Variants in HMGA2 observed in about 807,000 individuals in gnomAD.
The protein encoded by HMGA2 is high mobility group AT-hook 2.
A neutral mutation model predicts 19.1 loss-of-function variants in HMGA2; 8 were observed. The ratio of observed to expected loss-of-function variants is 0.42; its 90% CI spans 0.25 to 0.76. HMGA2 has a LOEUF of 0.76. Ranked by LOEUF, HMGA2 falls within the 30% of genes least tolerant of loss-of-function variation. The probability of loss-of-function intolerance (pLI) is 0.28; values close to 1 mark genes in which losing one functional copy is unlikely to be tolerated. For missense variants in HMGA2, 109 were observed against 136.3 expected (o/e 0.80, Z 1.00); for synonymous variants, 60 against 48.8 (o/e 1.23, Z -0.96).
At chr12:65,873,763 A>G (rs539277856) in intron 3 of HMGA2, 2 of 152,320 alleles carry the variant, frequency 1.3e-5, no homozygotes, top group African/African-American at 4.8e-5. Context: ...GGAACTGAGG[A>G]TTTGTTTTCA....
chr12:65,923,318 A>G (rs1394932679), intron 3 of HMGA2, among the ~76,000 whole-genome samples: 1 of 152,236 alleles, frequency 6.6e-6, no homozygotes, highest in African/African-American at 2.4e-5. Flanking sequence ...AAAGGAGAGC[A>G]GCTCCATTTT....
chr12:65,867,533 C>T lies in HMGA2; in HGVS notation c.249+28964C>T, dbSNP rs1054119649. ...GAAAAGACATAAAGGAATGAGAAGACCAAAACCGTATCCTCATGATACTGA... is the reference window on the plus strand; with the variant it reads ...GAAAAGACATAAAGGAATGAGAAGATCAAAACCGTATCCTCATGATACTGA... On this transcript the variant is annotated intron_variant, in intron 3 of 4. Coordinates refer to ENST00000403681, the MANE Select transcript of HMGA2 (RefSeq NM_003483.6). The T allele has an allele frequency of 1.7e-4, 77 of 454,020 alleles. No individual in the cohort carries two copies. The Admixed American group carries it at 1.7e-3, about 10-fold the overall frequency. 28.1% of individuals were successfully genotyped at this position (454,020 alleles called of 1,614,324 possible).
chr12:65,833,777 A>C (rs979212745), intron 2 of HMGA2, among the ~76,000 whole-genome samples: 1 of 152,216 alleles, frequency 6.6e-6, no homozygotes. Flanking sequence ...ACCTGTGAAC[A>C]TGGGCAGGTT....
intron 3 of HMGA2, among the ~76,000 whole-genome samples, chr12:65,897,828 C>G (rs1565725569): frequency 6.6e-6 from 1 of 152,072 alleles, no homozygotes; most frequent in East Asian, 1.9e-4. Context: ...GGCATGGTGG[C>G]ACGCCCCTGT....
At chr12:65,961,745 GTGTGTGTGTGTGTA>G (rs1273932774) in intron 4 of HMGA2, among the ~76,000 whole-genome samples, 1 of 144,688 alleles carries the variant, frequency 6.9e-6, no homozygotes, top group African/African-American at 2.8e-5. Flanking sequence ...TAGAGTGTGT[GTGTGTGTGTGTGTA>G]TGTGTGTGTG....
intron 4 of HMGA2, chr12:65,958,216 G>A (rs943256775): frequency 2.6e-5 from 4 of 152,146 alleles, no homozygotes; most frequent in African/African-American, 7.2e-5. Flanking sequence ...TGATGCTAAC[G>A]CACACAAAGA....
intron 3 of HMGA2, chr12:65,881,667 G>C (rs552143168): frequency 2.9e-6 from 2 of 687,824 alleles, no homozygotes; most frequent in Non-Finnish European, 5.3e-6. Flanking sequence ...AGAGAGAGAG[G>C]GGAGAAATAT....
intron 3 of HMGA2, among the ~76,000 whole-genome samples, chr12:65,933,378 A>G (rs1323094009): frequency 6.6e-6 from 1 of 152,152 alleles, no homozygotes; most frequent in Admixed American, 6.6e-5. Flanking sequence ...CAGACACAAA[A>G]CTAAGCTGTA....
At chr12:65,928,271 G>A (rs567064734) in intron 3 of HMGA2, among the ~76,000 whole-genome samples, 22 of 152,048 alleles carry the variant, frequency 1.4e-4, no homozygotes, top group Non-Finnish European at 2.9e-4. Flanking sequence ...ACATAGAAAA[G>A]GTACAGTAAA....
chr12:65,848,333 C>T (rs1045817635), intron 3 of HMGA2, among the ~76,000 whole-genome samples: 4 of 152,076 alleles, frequency 2.6e-5, no homozygotes, highest in Admixed American at 2.6e-4. Flanking sequence ...TATTTGTGTC[C>T]CATTTTCTTT....
chr12:65,906,692 G>C (rs1358480835), intron 3 of HMGA2, among the ~76,000 whole-genome samples: 1 of 152,194 alleles, frequency 6.6e-6, no homozygotes, highest in Non-Finnish European at 1.5e-5. Context: ...TAGAAGGGTA[G>C]AGGGGGAAAG....
chr12:65,908,585 G>A (rs935841915), intron 3 of HMGA2, among the ~76,000 whole-genome samples: 2 of 151,796 alleles, frequency 1.3e-5, no homozygotes, highest in African/African-American at 4.8e-5. Context: ...TCCTCTCTTC[G>A]TTCATCCACA....
rs577029705 is a variant in HMGA2 at position 65,915,896 on chromosome 12, T to C, written c.250-35487T>C. ...ATTAACGTTGCTTCCCCCTCTTCTC[T>C]ACCACGCCTCTAGAGATGACTTAAC... On this transcript the variant is annotated intron_variant, in intron 3 of 4. Coordinates refer to ENST00000403681, the MANE Select transcript of HMGA2 (RefSeq NM_003483.6). Among the ~76,000 whole-genome samples the C allele has an allele frequency of 2.0e-5, 3 of 152,316 alleles. No individual in the cohort carries two copies. In the East Asian group the frequency reaches 5.8e-4, roughly 29 times the overall value.
chr12:65,902,296 G>A (rs776346939), intron 3 of HMGA2, among the ~76,000 whole-genome samples: 7 of 151,850 alleles, frequency 4.6e-5, no homozygotes, highest in African/African-American at 1.7e-4. Flanking sequence ...AAACAATATC[G>A]AACACCTGTT....
At chr12:65,915,924 A>C (rs1875082445) in intron 3 of HMGA2, among the ~76,000 whole-genome samples, 1 of 152,180 alleles carries the variant, frequency 6.6e-6, no homozygotes, top group Admixed American at 6.6e-5. Context: ...GACTTAACTG[A>C]GCATCCAAAT....
At position 65,896,597 on chromosome 12, in the gene HMGA2, C is replaced by T. The variant is rs116379121; in HGVS notation, c.250-54786C>T. Reference sequence around the variant, plus strand: ...CTTTTTATGAACGCACATTTGTGTGCGTGTGCAGCATGGCCATTTCTAGAA... The same window carrying T: ...CTTTTTATGAACGCACATTTGTGTGTGTGTGCAGCATGGCCATTTCTAGAA... On this transcript the variant is annotated intron_variant, in intron 3 of 4. Coordinates refer to ENST00000403681, the MANE Select transcript of HMGA2 (RefSeq NM_003483.6). Among the ~76,000 whole-genome samples, 1,044 of 152,264 alleles carry T rather than the reference C, an allele frequency of 6.9e-3. 12 individuals carry two copies. Among genetic ancestry groups the T allele is most frequent in the African/African-American group, 0.024 (988 of 41,540 alleles).
At chr12:65,936,255 T>A (rs1044566052) in intron 3 of HMGA2, among the ~76,000 whole-genome samples, 2 of 151,420 alleles carry the variant, frequency 1.3e-5, no homozygotes, top group East Asian at 1.9e-4. Flanking sequence ...GGGGAGGATA[T>A]CCCTATCCAC....
intron 3 of HMGA2, among the ~76,000 whole-genome samples, chr12:65,885,201 A>G (rs1203759035): frequency 1.3e-5 from 2 of 152,094 alleles, no homozygotes; most frequent in Non-Finnish European, 2.9e-5. Flanking sequence ...CAGTCATTGA[A>G]TTTATTTTCT....
chr12:65,845,467 C>T (rs1871195216), intron 3 of HMGA2, among the ~76,000 whole-genome samples: 1 of 152,086 alleles, frequency 6.6e-6, no homozygotes, highest in Admixed American at 6.6e-5. Flanking sequence ...CGCAGTTTCG[C>T]CATGTTGGCC....
Sources: allele counts gnomAD v4.1 joint callset (sites outside exome capture counted in the v4.1 genomes callset), GRCh38; gene constraint gnomAD v4.1.1; transcripts MANE v1.5; gene names NCBI Gene and HGNC (gene_info 2026-07-23, HGNC 2026-07-21).